CREBBP: variants seen among roughly 807,000 people sequenced by gnomAD.
CREBBP encodes CREB-binding protein.
A neutral mutation model predicts 265.0 loss-of-function variants in CREBBP; 19 were observed. That is an observed-to-expected ratio of 0.07 (90% CI 0.05 to 0.11). The LOEUF (loss-of-function observed/expected upper bound fraction) is 0.11. CREBBP is among the 10% of genes least tolerant of loss of function. CREBBP has a pLI of 1.00. For synonymous variants in CREBBP, 1,457 were observed against 1,223.7 expected (o/e 1.19, Z -3.98); for missense variants, 2,525 against 3,219.0 (o/e 0.78, Z 5.22).
At chr16:3,795,373 G>C (rs1048968089) in intron 3 of CREBBP, among the ~76,000 whole-genome samples, 6 of 152,134 alleles carry the variant, frequency 3.9e-5, no homozygotes, top group African/African-American at 7.2e-5. Context: ...AGCGTTGATA[G>C]GTTTTTTTCC....
intron 2 of CREBBP, among the ~76,000 whole-genome samples, chr16:3,827,805 C>T (rs969955060): frequency 6.6e-6 from 1 of 152,150 alleles, no homozygotes; most frequent in Non-Finnish European, 1.5e-5. Context: ...ATCTTCCTAC[C>T]TCAGCCTCCT....
chr16:3,860,309 A>C (rs2055047325), intron 1 of CREBBP, among the ~76,000 whole-genome samples: 1 of 152,112 alleles, frequency 6.6e-6, no homozygotes, highest in Non-Finnish European at 1.5e-5. Flanking sequence ...ATTTTTATTC[A>C]CCTATTTACC....
chr16:3,779,177 G>GA (rs1392054732), intron 8 of CREBBP, among the ~76,000 whole-genome samples: 305 of 117,444 alleles, frequency 2.6e-3, no homozygotes, highest in South Asian at 3.5e-3. Context: ...AAAAAAAGAA[G>GA]AAAAAAAAAA....
At chr16:3,864,417 G>GCC (rs1170478363) in intron 1 of CREBBP, among the ~76,000 whole-genome samples, 2 of 152,170 alleles carry the variant, frequency 1.3e-5, no homozygotes, top group Non-Finnish European at 2.9e-5. Context: ...AGCCGAGGCA[G>GCC]GGGGACTGCT....
At chr16:3,757,406 AT>A in intron 18 of CREBBP, 30 bp from the exon 19 acceptor site, 1 of 1,501,486 alleles carries the variant, frequency 6.7e-7, no homozygotes, top group Non-Finnish European at 9.2e-7. Flanking sequence ...ATACTTTTAT[AT>A]AAAAATACAT....
chr16:3,745,041 T>C (rs1423762088), intron 22 of CREBBP, 80 bp from the exon 23 acceptor site: 5 of 1,107,228 alleles, frequency 4.5e-6, no homozygotes, highest in East Asian at 2.4e-5. Context: ...ATTCAGATAG[T>C]TTGTTGGCAG....
chr16:3,774,538 T>A, intron 12 of CREBBP, 31 bp downstream of exon 12: 1 of 1,613,626 alleles, frequency 6.2e-7, no homozygotes, highest in South Asian at 1.1e-5. Flanking sequence ...GAGGGAGGGC[T>A]ATCTGCAGCA....
At chr16:3,818,303 CTTTTTTTTTTTTT>C (rs71133660) in intron 2 of CREBBP, among the ~76,000 whole-genome samples, 17 of 106,432 alleles carry the variant, frequency 1.6e-4, no homozygotes, top group Admixed American at 1.3e-3. Context: ...GTTTTCTTTT[CTTTTTTTTTTTTT>C]TTTTTTTTGA....
chr16:3,814,901 GAA>G (rs1406131245), intron 2 of CREBBP, among the ~76,000 whole-genome samples: 1 of 152,208 alleles, frequency 6.6e-6, no homozygotes, highest in African/African-American at 2.4e-5. Flanking sequence ...CCTTATCAGA[GAA>G]AGTTAATAAC....
At chr16:3,873,321 T>C (rs927965607) in intron 1 of CREBBP, among the ~76,000 whole-genome samples, 3 of 152,364 alleles carry the variant, frequency 2.0e-5, no homozygotes, top group East Asian at 1.9e-4. Context: ...TAAGCTTTCA[T>C]GGCCATCACG....
At chr16:3,753,974 A>T (rs2052531855) in intron 19 of CREBBP, among the ~76,000 whole-genome samples, 1 of 152,164 alleles carries the variant, frequency 6.6e-6, no homozygotes, top group Non-Finnish European at 1.5e-5. Flanking sequence ...AGGAAACAAG[A>T]ACCATAAACC....
chr16:3,808,020 A>G (rs2053863923), intron 3 of CREBBP, among the ~76,000 whole-genome samples: 1 of 152,100 alleles, frequency 6.6e-6, no homozygotes, highest in Non-Finnish European at 1.5e-5. Context: ...GCCACCAGGC[A>G]ACCAATGCAG....
At chr16:3,746,295 T>C (rs1030050393) in intron 21 of CREBBP, among the ~76,000 whole-genome samples, 1 of 152,054 alleles carries the variant, frequency 6.6e-6, no homozygotes, top group Non-Finnish European at 1.5e-5. Context: ...TACCCTCATC[T>C]GGCTTCTCTG....
chr16:3,819,689 G>A (rs570280867), intron 2 of CREBBP, among the ~76,000 whole-genome samples: 1 of 152,240 alleles, frequency 6.6e-6, no homozygotes, highest in Non-Finnish European at 1.5e-5. Context: ...AATCATAAGC[G>A]TTTCCAGTTT....
intron 19 of CREBBP, among the ~76,000 whole-genome samples, chr16:3,756,918 C>T (rs1055091866): frequency 5.9e-5 from 9 of 152,278 alleles, no homozygotes; most frequent in African/African-American, 7.2e-5. Context: ...CCAAGTAGTA[C>T]GGCAAGACTT....
intron 14 of CREBBP, among the ~76,000 whole-genome samples, chr16:3,769,873 G>T (rs1407452193): frequency 2.0e-5 from 3 of 151,896 alleles, no homozygotes; most frequent in Non-Finnish European, 2.9e-5. Context: ...TTACTCAATG[G>T]AATTTTTTTT....
chr16:3,767,230 G>A (rs1038463196), intron 16 of CREBBP: 5 of 171,664 alleles, frequency 2.9e-5, no homozygotes, highest in Admixed American at 5.6e-5. Flanking sequence ...GTCCCTAGGC[G>A]CCACCCTGCC....
At chr16:3,752,772 ATT>A (rs1438333419) in intron 19 of CREBBP, among the ~76,000 whole-genome samples, 2 of 152,236 alleles carry the variant, frequency 1.3e-5, no homozygotes, top group Non-Finnish European at 2.9e-5. Flanking sequence ...AGTTAAGTGA[ATT>A]TAGAGTTAAT....
intron 2 of CREBBP, among the ~76,000 whole-genome samples, chr16:3,832,005 A>T (rs560527826): frequency 1.3e-3 from 202 of 152,276 alleles, no homozygotes; most frequent in Non-Finnish European, 2.4e-3. Context: ...TCAGTTAAAA[A>T]AAAAAGAAAG....
Sources: allele counts gnomAD v4.1 joint callset (sites outside exome capture counted in the v4.1 genomes callset), GRCh38; gene constraint gnomAD v4.1.1; transcripts MANE v1.5; gene names NCBI Gene and HGNC (gene_info 2026-07-23, HGNC 2026-07-21).